SIGLECL1: variants seen among roughly 807,000 people sequenced by gnomAD.
SIGLECL1 encodes the protein SIGLEC family-like protein 1.
A neutral mutation model predicts 19.1 loss-of-function variants in SIGLECL1; 16 were observed. The ratio of observed to expected loss-of-function variants is 0.84; its 90% CI spans 0.57 to 1.27. SIGLECL1 has a LOEUF of 1.27. Among genes scored for constraint, SIGLECL1 ranks in the 50% most tolerant of loss-of-function variants. SIGLECL1 has a pLI of 0.00. For missense variants in SIGLECL1, 210 were observed against 239.4 expected, an observed-to-expected ratio of 0.88 and a Z score of 0.81; for synonymous variants, 89 against 90.4, an observed-to-expected ratio of 0.98 and a Z score of 0.09.
chr19:51,256,750 C>T (rs1171007187), intron 1 of SIGLECL1, among the ~76,000 whole-genome samples: 1 of 152,166 alleles, frequency 6.6e-6, no homozygotes, highest in Non-Finnish European at 1.5e-5. Flanking sequence ...TGCATACATA[C>T]ATCAAAACGT....
At chr19:51,260,317 G>A (rs531024345) in intron 1 of SIGLECL1, among the ~76,000 whole-genome samples, 3 of 151,844 alleles carry the variant, frequency 2.0e-5, no homozygotes, top group South Asian at 4.2e-4. Context: ...GATTTTGCCC[G>A]GTTTTTTTCA....
In SIGLECL1 at chr19:51,257,353, C is replaced by T. The variant is rs951134850; in HGVS notation, c.-191+5808C>T. ...CCTGGGAGGTCAAGCCTGCAGTGAACTGTGAATGCTCCGTTGCACTCCATC... is the reference window on the plus strand; with the variant it reads ...CCTGGGAGGTCAAGCCTGCAGTGAATTGTGAATGCTCCGTTGCACTCCATC... On this transcript the variant is annotated intron_variant, in intron 1 of 5. Transcript: ENST00000601727. 3.8e-4 allele frequency among the ~76,000 whole-genome samples: 58 copies of T among 151,404 alleles called. No homozygotes were observed. In the Middle Eastern group the frequency reaches 0.01, roughly 27 times the overall value.
chr19:51,265,934 G>A, intron 4 of SIGLECL1, 52 bp downstream of exon 4: 1 of 1,583,662 alleles, frequency 6.3e-7, no homozygotes, highest in South Asian at 1.1e-5. Flanking sequence ...GGCAGGCCCT[G>A]GCTGCAGCCC....
intron 5 of SIGLECL1, 56 bp downstream of exon 5, chr19:51,267,585 A>C: frequency 6.3e-7 from 1 of 1,589,696 alleles, no homozygotes; most frequent in Non-Finnish European, 8.6e-7. Context: ...AATAAGACCC[A>C]CAGGGAAAGG....
chr19:51,254,842 G>C (rs890380824), intron 1 of SIGLECL1, among the ~76,000 whole-genome samples: 4 of 152,002 alleles, frequency 2.6e-5, no homozygotes, highest in African/African-American at 9.7e-5. Flanking sequence ...ATTATAAAAA[G>C]GTTAGCTACC....
chr19:51,265,305 C>A (rs1260127307), intron 2 of SIGLECL1, 63 bp from the exon 3 acceptor site: 12 of 1,521,398 alleles, frequency 7.9e-6, no homozygotes, highest in Non-Finnish European at 9.8e-6. Context: ...AGGCTGCATG[C>A]TGGAGAAACT....
At chr19:51,248,161 C>T (rs989816595), upstream of SIGLECL1, among the ~76,000 whole-genome samples, 1 of 125,502 alleles carries the variant, frequency 8.0e-6, no homozygotes, top group African/African-American at 3.5e-5. Flanking sequence ...TCAAGATGGC[C>T]GCTCCATCTT....
At chr19:51,267,957 C>G (rs1460994920) in intron 5 of SIGLECL1, among the ~76,000 whole-genome samples, 1 of 152,092 alleles carries the variant, frequency 6.6e-6, no homozygotes, top group Non-Finnish European at 1.5e-5. Context: ...CTTCATTCAC[C>G]CTGTACCCCA....
At chr19:51,254,883 A>G (rs1264777994) in intron 1 of SIGLECL1, among the ~76,000 whole-genome samples, 1 of 152,214 alleles carries the variant, frequency 6.6e-6, no homozygotes, top group African/African-American at 2.4e-5. Flanking sequence ...AAAACCTGAA[A>G]ATTTTAGGGA....
Position 51,268,672 on chromosome 19 carries a change from T to A in SIGLECL1, c.*75T>A. ...CAAAGATCTGCAAAATTTATAGCGC[T>A]CACAGAAACCCTGGAGGCTGTAATA... On this transcript the variant is annotated 3_prime_UTR_variant, in exon 6 of 6. Transcript: ENST00000601727. 6.7e-7 allele frequency: 1 copy of A among 1,484,724 alleles called. No individual in the cohort carries two copies. Among genetic ancestry groups the A allele is most frequent in the Non-Finnish European group, 9.3e-7 (1 of 1,078,338 alleles). The allele number at this position is 1,484,724 out of a possible 1,614,324, so 92.0% of individuals were successfully genotyped here. A position where few individuals can be genotyped will look rare whatever the true frequency, so the allele number is the denominator to read the frequency against.
upstream of SIGLECL1, among the ~76,000 whole-genome samples, chr19:51,247,350 A>G (rs928727564): frequency 6.6e-6 from 1 of 152,232 alleles, no homozygotes; most frequent in African/African-American, 2.4e-5. Context: ...CTCTGTATTC[A>G]CATAGATACT....
upstream of SIGLECL1, among the ~76,000 whole-genome samples, chr19:51,247,918 C>T (rs961623523): frequency 2.0e-5 from 3 of 152,084 alleles, no homozygotes; most frequent in Non-Finnish European, 2.9e-5. Context: ...CTTGAGAAAT[C>T]CTGAGGTTCT....
At chr19:51,252,444 C>CCACT (rs113294609) in intron 1 of SIGLECL1, among the ~76,000 whole-genome samples, 10,859 of 151,936 alleles carry the variant, frequency 0.071, 1,260 homozygotes, top group African/African-American at 0.25. Flanking sequence ...GCAGTAAAAC[C>CCACT]CACTCATGTT....
chr19:51,255,314 A>T (rs7256372), intron 1 of SIGLECL1, among the ~76,000 whole-genome samples: 15,312 of 152,026 alleles, frequency 0.1, 1,414 homozygotes, highest in East Asian at 0.32. Flanking sequence ...TAAAACTACT[A>T]AAAGAAAACA....
intron 1 of SIGLECL1, among the ~76,000 whole-genome samples, chr19:51,261,963 A>C (rs137864524): frequency 2.3e-3 from 355 of 152,306 alleles, no homozygotes; most frequent in African/African-American, 7.9e-3. Flanking sequence ...AGGTCAAGAA[A>C]TAGAACATTA....
rs572582076 is a variant in SIGLECL1 at position 51,251,300 on chromosome 19, T to A, written c.-436T>A. 1.4e-4 allele frequency: 21 copies of A among 152,644 alleles called. No homozygotes were observed. Among genetic ancestry groups the A allele is most frequent in the African/African-American group, 5.1e-4 (21 of 41,570 alleles). The allele number at this position is 152,644 out of a possible 1,614,324, so 9.5% of individuals were successfully genotyped here. A position where few individuals can be genotyped will look rare whatever the true frequency, so the allele number is the denominator to read the frequency against. On this transcript the variant is annotated 5_prime_UTR_variant, in exon 1 of 6. Coordinates refer to ENST00000601727, the MANE Select transcript of SIGLECL1 (RefSeq NM_001385465.1). ...GAAACTGCACTAACTGGGCTTCCAG[T>A]CAGCGTCAGTCAGCGGATCCTTGGG...
At chr19:51,249,881 G>A (rs905587473), upstream of SIGLECL1, among the ~76,000 whole-genome samples, 19 of 152,114 alleles carry the variant, frequency 1.2e-4, no homozygotes, top group Admixed American at 6.5e-4. Context: ...GCTGCTGGTT[G>A]CCCATTTTTA....
chr19:51,264,453 G>C (rs866823995), intron 2 of SIGLECL1: 10 of 222,522 alleles, frequency 4.5e-5, no homozygotes, highest in Admixed American at 1.2e-4. Context: ...GACAGCCATA[G>C]AGGGGTCCGT....
At chr19:51,265,909 G>A (rs748400401) in intron 4 of SIGLECL1, 27 bp downstream of exon 4, 35 of 1,607,960 alleles carry the variant, frequency 2.2e-5, no homozygotes, top group East Asian at 1.1e-4. Flanking sequence ...ATATTCACCC[G>A]CAAGCCTACT....
Sources: allele counts gnomAD v4.1 joint callset (sites outside exome capture counted in the v4.1 genomes callset), GRCh38; gene constraint gnomAD v4.1.1; transcripts MANE v1.5; gene names NCBI Gene and HGNC (gene_info 2026-07-23, HGNC 2026-07-21).